USPL1: variants seen among roughly 807,000 people sequenced by gnomAD.
USPL1 encodes SUMO-specific isopeptidase USPL1.
Under a neutral mutation model 51.5 loss-of-function variants are expected in USPL1, and 27 were observed. The observed-to-expected ratio is 0.52, with a 90% CI of 0.39 to 0.72. The LOEUF is 0.72. USPL1 is among the 30% of genes least tolerant of loss of function. The pLI is 0.00. For missense variants in USPL1, 1,226 were observed against 1,268.0 expected (o/e 0.97, Z 0.50); for synonymous variants, 451 against 459.6 (o/e 0.98, Z 0.24).
chr13:30,656,887 A>G (rs1392391346), intron 8 of USPL1, among the ~76,000 whole-genome samples: 2 of 146,942 alleles, frequency 1.4e-5, no homozygotes, highest in Non-Finnish European at 3.0e-5. Flanking sequence ...TTTTTTTTTT[A>G]AAGGAATGGT....
chr13:30,640,200 A>G (rs1950928574), intron 5 of USPL1, among the ~76,000 whole-genome samples: 1 of 152,176 alleles, frequency 6.6e-6, no homozygotes, highest in African/African-American at 2.4e-5. Context: ...TTAGACCTGA[A>G]GATTTTATAT....
At chr13:30,651,910 T>C (rs550740214) in intron 7 of USPL1, among the ~76,000 whole-genome samples, 7 of 151,924 alleles carry the variant, frequency 4.6e-5, no homozygotes, top group African/African-American at 1.7e-4. Flanking sequence ...AAGCTGAGAT[T>C]GCACCACTGC....
At position 30,658,968 on chromosome 13, in the gene USPL1, G is replaced by A. The variant is rs2137738842; in HGVS notation, c.2891G>A (p.Ser964Asn). The change falls in exon 9 of 9, where the codon AGT becomes AAT. Residue 964 changes from serine to asparagine, a missense_variant. Ser to Asn is a conservative substitution (Grantham distance 46). Transcript: ENST00000255304. ...CTTVPGVSLY[S>N]SQTHEEILAE... ...ACTGTTCCTGGTGTTTCCCTGTACA[G>A]TAGTCAAACTCATGAAGAAATTTTA... is the stretch of plus-strand genomic sequence containing the variant. 6.2e-7 allele frequency: 1 copy of A among 1,614,182 alleles called. No individual in the cohort carries two copies. Among genetic ancestry groups the A allele is most frequent in the East Asian group, 2.2e-5 (1 of 44,886 alleles).
At chr13:30,649,750 C>CA (rs1167741409) in intron 7 of USPL1, among the ~76,000 whole-genome samples, 3 of 152,226 alleles carry the variant, frequency 2.0e-5, no homozygotes, top group Non-Finnish European at 4.4e-5. Context: ...GAGGTTAACA[C>CA]AGCTCCCTTG....
At chr13:30,648,397 T>G (rs919737027) in intron 7 of USPL1, among the ~76,000 whole-genome samples, 2 of 152,198 alleles carry the variant, frequency 1.3e-5, no homozygotes, top group Admixed American at 6.5e-5. Flanking sequence ...CAGTCTGCGC[T>G]GGTTCCTCTC....
At chr13:30,644,401 C>G (rs1301191731) in intron 6 of USPL1, among the ~76,000 whole-genome samples, 2 of 128,860 alleles carry the variant, frequency 1.6e-5, no homozygotes, top group Non-Finnish European at 3.2e-5. Context: ...GGAATGCAGG[C>G]AACAAAGGTT....
Position 30,653,204 on chromosome 13 carries a change from A to G in USPL1, c.1295A>G (p.Gln432Arg). ...FVEGLPQNDLQHYAFHFEGCL... is the reference protein window; with the variant it reads ...FVEGLPQNDLRHYAFHFEGCL... ...GAAGGCTTACCACAGAATGACTTGC[A>G]GCACTATGCATTTCATTTTGAAGGC... Residue 432 changes from glutamine (Q) to arginine (R), a missense_variant, in exon 8 of 9, where the codon CAG becomes CGG. Physicochemically the swap from Gln to Arg is conservative, Grantham distance 43. Transcript: ENST00000255304. 4 of 1,612,820 alleles carry G rather than the reference A, an allele frequency of 2.5e-6. No individual in the cohort carries two copies. Among genetic ancestry groups the G allele is most frequent in the Non-Finnish European group, 3.4e-6 (4 of 1,179,102 alleles).
Position 30,659,133 on chromosome 13 carries a change from A to T in USPL1, c.3056A>T (p.His1019Leu), listed in dbSNP as rs746736201. The T allele has an allele frequency of 1.2e-6, 2 of 1,614,124 alleles. No individual in the cohort carries two copies. The highest frequency in any genetic ancestry group is 1.7e-6 in the Non-Finnish European group (2 of 1,180,050). ...SEFNDVSQNT[H>L]LRQDHNYCSP... ...TTCAATGATGTTTCCCAGAACACACATCTGAGACAGGACCATAATTATTGT... is the reference window on the plus strand; with the variant it reads ...TTCAATGATGTTTCCCAGAACACACTTCTGAGACAGGACCATAATTATTGT... Residue 1019 changes from histidine to leucine, a missense_variant, in exon 9 of 9, where the codon CAT (histidine) becomes CTT (leucine). Transcript: ENST00000255304.
At position 30,658,198 on chromosome 13, in the gene USPL1, A is replaced by T; in HGVS notation, c.2121A>T (p.Thr707=). The T allele has an allele frequency of 4.3e-6, 7 of 1,612,122 alleles. No homozygotes were observed. The highest frequency in any genetic ancestry group is 5.9e-6 in the Non-Finnish European group (7 of 1,179,570). The change falls in exon 9 of 9, where the codon ACA becomes ACT. Residue 707 remains threonine, a synonymous_variant. Transcript: ENST00000255304. ...ACGCTCAGTTAAAACAATTCCTTACACCAAAAACTGAACAATTAAAACCAG... is the reference window on the plus strand; with the variant it reads ...ACGCTCAGTTAAAACAATTCCTTACTCCAAAAACTGAACAATTAAAACCAG... ...EKDAQLKQFL[T]PKTEQLKPER... is the part of the protein sequence containing the mutation.
intron 5 of USPL1, among the ~76,000 whole-genome samples, chr13:30,639,777 G>A (rs1950922826): frequency 6.6e-6 from 1 of 152,084 alleles, no homozygotes; most frequent in South Asian, 2.1e-4. Context: ...AGATGGAAGG[G>A]CTTTCGTGGT....
At chr13:30,627,966 C>G (rs912051123) in intron 3 of USPL1, among the ~76,000 whole-genome samples, 1 of 151,746 alleles carries the variant, frequency 6.6e-6, no homozygotes, top group East Asian at 1.9e-4. Flanking sequence ...CAACTTCTGC[C>G]TGCGGGTTCA....
chr13:30,623,066 A>G (rs1437635153), intron 3 of USPL1, among the ~76,000 whole-genome samples: 4 of 152,136 alleles, frequency 2.6e-5, no homozygotes, highest in African/African-American at 9.7e-5. Flanking sequence ...TGTGGAGAAA[A>G]ATAAGGCAGT....
In USPL1 at chr13:30,658,159, A is replaced by G. The variant is rs1951193280; in HGVS notation, c.2082A>G (p.Val694=). ...ATGLIQGVKS[V]EIEKDAQLKQ... ...GTCTTATACAGGGAGTGAAGTCAGT[A>G]GAAATTGAGAAGGACGCTCAGTTAA... Residue 694 remains valine, a synonymous_variant, in exon 9 of 9, where the codon GTA becomes GTG. Coordinates refer to ENST00000255304, the MANE Select transcript of USPL1 (RefSeq NM_005800.5). 3 of 1,613,328 alleles carry G rather than the reference A, an allele frequency of 1.9e-6. No homozygotes were observed. Among genetic ancestry groups the G allele is most frequent in the Non-Finnish European group, 2.5e-6 (3 of 1,179,886 alleles).
intron 6 of USPL1, among the ~76,000 whole-genome samples, chr13:30,644,706 A>T (rs984535501): frequency 5.3e-4 from 81 of 152,178 alleles, no homozygotes; most frequent in African/African-American, 1.9e-3. Flanking sequence ...TGGAACAAAG[A>T]TACATAATGG....
At chr13:30,645,304 T>C (rs1282704937) in intron 6 of USPL1, among the ~76,000 whole-genome samples, 1 of 152,236 alleles carries the variant, frequency 6.6e-6, no homozygotes, top group African/African-American at 2.4e-5. Flanking sequence ...GGAAATAGTG[T>C]ATCTTTGCCA....
In USPL1 at chr13:30,650,712, C is replaced by T. The variant is rs532813453; in HGVS notation, c.1239-2436C>T. ...TAGGCATTTGGAACTTACAAAGTTT[C>T]GGCCGGGCATAGTGGCTCATGCCTG... On this transcript the variant is annotated intron_variant, in intron 7 of 8. Transcript: ENST00000255304. Among the ~76,000 whole-genome samples the T allele has an allele frequency of 3.1e-3, 465 of 150,458 alleles. 1 individual carries two copies. The highest frequency in any genetic ancestry group is 0.01 in the African/African-American group (411 of 40,960).
At chr13:30,623,737 C>T (rs1950674555) in intron 3 of USPL1, among the ~76,000 whole-genome samples, 1 of 152,016 alleles carries the variant, frequency 6.6e-6, no homozygotes. Flanking sequence ...ACTTTTAGCC[C>T]CACGTACAGG....
At chr13:30,646,590 G>C (rs1199720833) in intron 6 of USPL1, among the ~76,000 whole-genome samples, 2 of 152,208 alleles carry the variant, frequency 1.3e-5, no homozygotes, top group Non-Finnish European at 2.9e-5. Flanking sequence ...GCCGTTACTG[G>C]CATCTGGTGA....
At chr13:30,648,706 A>G (rs912432343) in intron 7 of USPL1, among the ~76,000 whole-genome samples, 1 of 152,126 alleles carries the variant, frequency 6.6e-6, no homozygotes, top group East Asian at 1.9e-4. Flanking sequence ...TTTTGGACTC[A>G]TATCTTTTTT....
Sources: gnomAD v4.1 joint callset for allele counts (sites outside exome capture counted in the v4.1 genomes callset) on GRCh38, gnomAD v4.1.1 for gene constraint, MANE v1.5 for transcripts, NCBI Gene and HGNC (gene_info 2026-07-23, HGNC 2026-07-21) for gene names.